The following TMEM217B variants were observed in gnomAD, a reference collection of about 807,000 sequenced individuals.
TMEM217B encodes the protein transmembrane protein 217B.
chr6:37,215,512 A>G, the TMEM217B span, among the ~76,000 whole-genome samples: 2 of 137,940 alleles, frequency 1.4e-5, no homozygotes, highest in Non-Finnish European at 3.1e-5. Flanking sequence ...TAGAGGTTGC[A>G]GTGAGCTGAT....
the TMEM217B span, chr6:37,213,052 A>G: frequency 3.4e-6 from 4 of 1,171,292 alleles, no homozygotes; most frequent in African/African-American, 6.2e-5. Context: ...AGCCTTAGAC[A>G]AATCCCCCAA....
chr6:37,237,305 G>A, the TMEM217B span, among the ~76,000 whole-genome samples: 3 of 152,156 alleles, frequency 2.0e-5, no homozygotes, highest in East Asian at 5.8e-4. Flanking sequence ...CAAGTGAATT[G>A]ACATTCTCTG....
chr6:37,214,739 C>A, the TMEM217B span, among the ~76,000 whole-genome samples: 5 of 152,136 alleles, frequency 3.3e-5, no homozygotes, highest in African/African-American at 7.2e-5. Context: ...CAGATTCATC[C>A]CAAATATTCT....
chr6:37,217,315 T>G, the TMEM217B span, among the ~76,000 whole-genome samples: 134,049 of 152,290 alleles, frequency 0.88, 59,234 homozygotes, highest in African/African-American at 0.96. Context: ...ATGTGCTTCA[T>G]ACAGTCTCTG....
the TMEM217B span, among the ~76,000 whole-genome samples, chr6:37,242,432 C>T: frequency 6.6e-6 from 1 of 152,198 alleles, no homozygotes; most frequent in Non-Finnish European, 1.5e-5. Flanking sequence ...CTTTTCTTTG[C>T]CTTTAAGAGC....
the TMEM217B span, among the ~76,000 whole-genome samples, chr6:37,213,725 G>A: frequency 0.039 from 5,940 of 152,344 alleles, 382 homozygotes; most frequent in African/African-American, 0.13. Flanking sequence ...CGACCCTGCT[G>A]AGGGCATGTT....
the TMEM217B span, among the ~76,000 whole-genome samples, chr6:37,241,546 T>G: frequency 6.6e-6 from 1 of 152,156 alleles, no homozygotes; most frequent in Non-Finnish European, 1.5e-5. Context: ...AAGGTCCCCA[T>G]TCTTGGGCTG....
the TMEM217B span, among the ~76,000 whole-genome samples, chr6:37,252,494 G>A: frequency 6.6e-6 from 1 of 150,536 alleles, no homozygotes; most frequent in Non-Finnish European, 1.5e-5. Flanking sequence ...ACATATACAT[G>A]TATGCATATA....
At chr6:37,247,610 T>C in the TMEM217B span, among the ~76,000 whole-genome samples, 1 of 151,960 alleles carries the variant, frequency 6.6e-6, no homozygotes, top group Admixed American at 6.6e-5. Flanking sequence ...ATGGTCTCGA[T>C]CTCCTGACCT....
the TMEM217B span, chr6:37,212,963 C>T: frequency 6.5e-7 from 1 of 1,548,642 alleles, no homozygotes; most frequent in Non-Finnish European, 8.7e-7. Flanking sequence ...AACATCCTGA[C>T]ATTCATTTTA....
the TMEM217B span, among the ~76,000 whole-genome samples, chr6:37,233,289 C>T: frequency 2.0e-5 from 3 of 152,198 alleles, no homozygotes; most frequent in African/African-American, 7.2e-5. Context: ...CTCTCCTTCC[C>T]ACCAATCTCT....
At chr6:37,220,119 T>A in the TMEM217B span, among the ~76,000 whole-genome samples, 5 of 152,142 alleles carry the variant, frequency 3.3e-5, no homozygotes, top group African/African-American at 1.2e-4. Flanking sequence ...AGCGCGTAAG[T>A]CAATGAAACA....
chr6:37,250,310 G>A, the TMEM217B span, among the ~76,000 whole-genome samples: 1 of 152,174 alleles, frequency 6.6e-6, no homozygotes, highest in Non-Finnish European at 1.5e-5. Context: ...GGCTTCTAAG[G>A]TATTGGTAAT....
chr6:37,222,158 A>C, the TMEM217B span, among the ~76,000 whole-genome samples: 727 of 152,300 alleles, frequency 4.8e-3, 7 homozygotes, highest in African/African-American at 0.016. Flanking sequence ...GCAGATTGGT[A>C]CATCGGGGGC....
the TMEM217B span, among the ~76,000 whole-genome samples, chr6:37,255,436 C>A: frequency 1.3e-5 from 2 of 152,110 alleles, no homozygotes; most frequent in Non-Finnish European, 2.9e-5. Context: ...AATACTAGCT[C>A]TCTGGGAGGC....
At chr6:37,233,355 C>T in the TMEM217B span, among the ~76,000 whole-genome samples, 1 of 152,114 alleles carries the variant, frequency 6.6e-6, no homozygotes. Flanking sequence ...GTCACAACAC[C>T]ACAGACTGGG....
chr6:37,217,894 G>A, the TMEM217B span: 2 of 985,726 alleles, frequency 2.0e-6, no homozygotes, highest in Non-Finnish European at 2.4e-6. Context: ...GACCAATCAG[G>A]TGGTAGAAAG....
the TMEM217B span, among the ~76,000 whole-genome samples, chr6:37,239,289 GA>G: frequency 6.6e-6 from 1 of 152,078 alleles, no homozygotes; most frequent in African/African-American, 2.4e-5. Context: ...AGGAGTTTGA[GA>G]CTAGCCTGGG....
At chr6:37,234,520 G>T in the TMEM217B span, among the ~76,000 whole-genome samples, 3 of 152,164 alleles carry the variant, frequency 2.0e-5, no homozygotes, top group African/African-American at 7.2e-5. Context: ...AGCCACTAGT[G>T]ATGATACAGT....
Sources: allele counts gnomAD v4.1 joint callset (sites outside exome capture counted in the v4.1 genomes callset), GRCh38; gene constraint gnomAD v4.1.1; transcripts MANE v1.5; gene names NCBI Gene and HGNC (gene_info 2026-07-23, HGNC 2026-07-21).